SLC22A25: variants seen among roughly 807,000 people sequenced by gnomAD.
SLC22A25 encodes solute carrier family 22 member 25.
Under a neutral mutation model 45.9 loss-of-function variants are expected in SLC22A25, and 44 were observed. The ratio of observed to expected loss-of-function variants is 0.96; its 90% confidence interval spans 0.75 to 1.23. The LOEUF (loss-of-function observed/expected upper bound fraction) is 1.23. Ranked by LOEUF, SLC22A25 falls within the 50% of genes most tolerant of loss-of-function variation. SLC22A25 has a pLI of 0.00. For synonymous variants in SLC22A25, 283 were observed against 238.6 expected, an observed-to-expected ratio of 1.19 and a Z score of -1.72; for missense variants, 800 against 666.4, an observed-to-expected ratio of 1.20 and a Z score of -2.21.
chr11:63,206,294 G>C (rs1045809420), intron 7 of SLC22A25, among the ~76,000 whole-genome samples: 2 of 152,120 alleles, frequency 1.3e-5, no homozygotes, highest in Admixed American at 1.3e-4. Flanking sequence ...AGGCCAATCA[G>C]GCAAGAGAAA....
intron 7 of SLC22A25, among the ~76,000 whole-genome samples, chr11:63,189,125 G>T (rs1206171652): frequency 6.6e-6 from 1 of 152,132 alleles, no homozygotes; most frequent in Admixed American, 6.5e-5. Flanking sequence ...TCATTGATCT[G>T]TCTAATGTTG....
In SLC22A25 at chr11:63,217,452, G is replaced by T. The variant is rs781533510; in HGVS notation, c.692C>A (p.Ala231Asp). The T allele has an allele frequency of 6.2e-7, 1 of 1,614,044 alleles. No individual in the cohort carries two copies. The highest frequency in any genetic ancestry group is 1.1e-5 in the South Asian group (1 of 91,068). The part of the protein sequence containing the change: ...IVEWITHQFC[A>D]MALTLTLCAA... ...ACAAAGTGTCAATGTCAATGCCATG[G>T]CACAGAATTGGTGAGTTATCCACTC... Residue 231 changes from alanine to aspartate, a missense_variant, in exon 7 of 12, where the codon GCC (alanine) becomes GAC (aspartate). Coordinates refer to ENST00000306494, the MANE Select transcript of SLC22A25 (RefSeq NM_199352.6).
intron 1 of SLC22A25, chr11:63,242,937 C>T (rs2090274057): frequency 6.5e-6 from 1 of 154,382 alleles, no homozygotes; most frequent in African/African-American, 2.4e-5. Flanking sequence ...CTGTCTCTGC[C>T]CTCACCTCTC....
chr11:63,176,854 A>G (rs1310351081), intron 9 of SLC22A25, among the ~76,000 whole-genome samples: 1 of 151,956 alleles, frequency 6.6e-6, no homozygotes, highest in Non-Finnish European at 1.5e-5. Context: ...TAAGCCTTAT[A>G]CTTTAATATG....
At chr11:63,208,581 T>A (rs1354048530) in intron 7 of SLC22A25, among the ~76,000 whole-genome samples, 1 of 152,100 alleles carries the variant, frequency 6.6e-6, no homozygotes, top group Non-Finnish European at 1.5e-5. Context: ...TGTGAGAATG[T>A]GGGAGCCTAA....
At chr11:63,187,109 T>G (rs1032060382) in intron 7 of SLC22A25, among the ~76,000 whole-genome samples, 4 of 152,098 alleles carry the variant, frequency 2.6e-5, no homozygotes, top group East Asian at 1.9e-4. Flanking sequence ...GATGGGGATG[T>G]CATTGAATCT....
rs73499723 is a variant in SLC22A25 at position 63,162,946 on chromosome 11, C to T, written c.*878G>A. 8.5e-3 allele frequency among the ~76,000 whole-genome samples: 1,288 copies of T among 152,246 alleles called. 14 individuals carry two copies. Among genetic ancestry groups the T allele is most frequent in the African/African-American group, 0.03 (1,244 of 41,526 alleles). On this transcript the variant is annotated 3_prime_UTR_variant, in exon 12 of 12. Coordinates refer to ENST00000306494, the MANE Select transcript of SLC22A25 (RefSeq NM_199352.6). ...TTGCTGCAGGTATCTTCCTGCCCTG[C>T]TTTTCTGGAGCATCTTCTCCTGGTG...
intron 5 of SLC22A25, among the ~76,000 whole-genome samples, chr11:63,220,603 C>G (rs1305711199): frequency 6.6e-6 from 1 of 152,168 alleles, no homozygotes; most frequent in Non-Finnish European, 1.5e-5. Context: ...AAGCATTTAT[C>G]CTTTGTGTTA....
rs533750324 is a variant in SLC22A25, at chr11:63,241,452, C to T, written c.-996+1982G>A. Among the ~76,000 whole-genome samples, 5 of 152,292 alleles carry T rather than the reference C, an allele frequency of 3.3e-5. No homozygotes were observed. In the South Asian group the frequency reaches 1.0e-3, roughly 32 times the overall value. On this transcript the variant is annotated intron_variant, in intron 1 of 11. Transcript: ENST00000306494. Reference sequence around the variant, plus strand: ...ACACCTCATGCCCACTCCACAGGTGCATCCCCATGCCTCTTTCCCAGACCT... The same window carrying T: ...ACACCTCATGCCCACTCCACAGGTGTATCCCCATGCCTCTTTCCCAGACCT...
chr11:63,217,857 G>C lies in SLC22A25; in HGVS notation c.507-122C>G, dbSNP rs113162182. The C allele has an allele frequency of 5.0e-4, 591 of 1,184,690 alleles. 7 individuals are homozygous for C. The African/African-American group carries it at 5.6e-3, about 11-fold the overall frequency. The allele number at this position is 1,184,690 out of a possible 1,614,324, so 73.4% of individuals were successfully genotyped here. ...ACAAGTGAAACTTTACACTTAAAACGTTAAAGAATCAACAGTTAATCAATG... is the reference window on the plus strand; with the variant it reads ...ACAAGTGAAACTTTACACTTAAAACCTTAAAGAATCAACAGTTAATCAATG... On this transcript the variant is annotated intron_variant, in intron 5 of 11. Coordinates refer to ENST00000306494, the MANE Select transcript of SLC22A25 (RefSeq NM_199352.6).
At chr11:63,191,690 C>T (rs1356659221) in intron 7 of SLC22A25, among the ~76,000 whole-genome samples, 1 of 151,296 alleles carries the variant, frequency 6.6e-6, no homozygotes, top group East Asian at 1.9e-4. Flanking sequence ...CTTGGCTCCA[C>T]CCCCCCAATC....
chr11:63,184,234 T>C (rs2088435979), intron 7 of SLC22A25, among the ~76,000 whole-genome samples: 1 of 152,256 alleles, frequency 6.6e-6, no homozygotes, highest in South Asian at 2.1e-4. Context: ...ACTAGATTCA[T>C]TTCTGGCCAT....
At chr11:63,166,722 G>A in intron 9 of SLC22A25, 1 of 994,112 alleles carries the variant, frequency 1.0e-6, no homozygotes, top group Non-Finnish European at 1.2e-6. Flanking sequence ...ACAACTTATT[G>A]GGTACAGATT....
chr11:63,202,712 G>C (rs78248372), intron 7 of SLC22A25, among the ~76,000 whole-genome samples: 2,687 of 152,284 alleles, frequency 0.018, 79 homozygotes, highest in African/African-American at 0.061. Flanking sequence ...TGGGGGAAGG[G>C]GCGGCTGTGG....
rs2087519470 is a variant in SLC22A25, at chr11:63,159,725, A to G, written c.*4099T>C. Among the ~76,000 whole-genome samples, 1 of 152,216 alleles carries G rather than the reference A, an allele frequency of 6.6e-6. No homozygotes were observed. The highest frequency in any genetic ancestry group is 1.5e-5 in the Non-Finnish European group (1 of 68,036). ...CTGGGGCAATATTTGGAGGGCTCAGAAGAAGACAGGAAAATGTTGGAAAGT... is the reference window on the plus strand; with the variant it reads ...CTGGGGCAATATTTGGAGGGCTCAGGAGAAGACAGGAAAATGTTGGAAAGT... On this transcript the variant is annotated 3_prime_UTR_variant, in exon 12 of 12. Transcript: ENST00000306494.
rs2090035574 is a variant in SLC22A25, at chr11:63,229,774, C to T, written c.-122G>A. ...TGTGTGTTGATCCTGACCCCACTCT[C>T]TTCTTAATGGGCCCTCTCTCCCATC... On this transcript the variant is annotated 5_prime_UTR_variant, in exon 4 of 12. Coordinates refer to ENST00000306494, the MANE Select transcript of SLC22A25 (RefSeq NM_199352.6). 1 of 992,452 alleles carries T rather than the reference C, an allele frequency of 1.0e-6. No homozygotes were observed. Among genetic ancestry groups the T allele is most frequent in the Admixed American group, 2.9e-5 (1 of 34,716 alleles). The allele number at this position is 992,452 out of a possible 1,614,324, so 61.5% of individuals were successfully genotyped here.
At chr11:63,213,899 C>T (rs1190014805) in intron 7 of SLC22A25, among the ~76,000 whole-genome samples, 1 of 152,212 alleles carries the variant, frequency 6.6e-6, no homozygotes, top group Non-Finnish European at 1.5e-5. Flanking sequence ...TGATCCAACA[C>T]TCGGTAGTCG....
intron 7 of SLC22A25, among the ~76,000 whole-genome samples, chr11:63,212,274 C>A (rs928598056): frequency 1.3e-5 from 2 of 151,874 alleles, no homozygotes; most frequent in African/African-American, 4.8e-5. Context: ...CCTCAGGGAT[C>A]TAGAACTAGA....
At position 63,217,313 on chromosome 11, in the gene SLC22A25, C is replaced by A. The variant is rs560899963; in HGVS notation, c.830+1G>T. On this transcript the variant is annotated splice_donor_variant, in intron 7 of 11. Transcript: ENST00000306494. LOFTEE classifies it high-confidence loss of function. Reference sequence around the variant, plus strand: ...GCAAAAGAAGAATGCAAGCTCAATACCTTGAGAACAGAAAGAAGACAAAGC... The same window carrying A: ...GCAAAAGAAGAATGCAAGCTCAATAACTTGAGAACAGAAAGAAGACAAAGC... 3 of 1,612,860 alleles carry A rather than the reference C, an allele frequency of 1.9e-6. No homozygotes were observed. Among genetic ancestry groups the A allele is most frequent in the East Asian group, 2.2e-5 (1 of 44,826 alleles).
Sources: allele counts gnomAD v4.1 joint callset (sites outside exome capture counted in the v4.1 genomes callset), GRCh38; gene constraint gnomAD v4.1.1; transcripts MANE v1.5; gene names NCBI Gene and HGNC (gene_info 2026-07-23, HGNC 2026-07-21).